The following HEPHL1 variants were observed in gnomAD, a reference collection of about 807,000 sequenced individuals.
HEPHL1 encodes hephaestin like 1, also known as ferroxidase HEPHL1.
HEPHL1 carries 123 observed loss-of-function variants against 122.0 expected under a neutral mutation model. That is an observed-to-expected ratio of 1.01 (90% CI 0.87 to 1.17). The LOEUF (loss-of-function observed/expected upper bound fraction) is 1.17, where lower values mean the gene tolerates loss of function less well. Among genes scored for constraint, HEPHL1 ranks in the 50% most tolerant of loss-of-function variants. The pLI is 0.00. For synonymous variants in HEPHL1, 527 were observed against 508.9 expected, an observed-to-expected ratio of 1.04 and a Z score of -0.48; for missense variants, 1,452 against 1,430.5, an observed-to-expected ratio of 1.01 and a Z score of -0.24.
intron 9 of HEPHL1, among the ~76,000 whole-genome samples, chr11:94,080,338 A>G (rs1285844969): frequency 6.6e-6 from 1 of 152,250 alleles, no homozygotes; most frequent in Non-Finnish European, 1.5e-5. Flanking sequence ...CAAAACTATA[A>G]AAACCCTAGA....
intron 1 of HEPHL1, among the ~76,000 whole-genome samples, chr11:94,027,339 A>G (rs770701566): frequency 1.3e-5 from 2 of 152,098 alleles, no homozygotes; most frequent in Non-Finnish European, 2.9e-5. Flanking sequence ...CTGCGGAGTT[A>G]TCTTTGGGAC....
At chr11:94,096,275 A>G (rs1028297671) in intron 13 of HEPHL1, among the ~76,000 whole-genome samples, 1 of 152,190 alleles carries the variant, frequency 6.6e-6, no homozygotes, top group African/African-American at 2.4e-5. Flanking sequence ...CTATTGAGAT[A>G]ATCACGTGGT....
In HEPHL1 at chr11:94,045,694, A is replaced by G; in HGVS notation, c.192A>G (p.Glu64=). 1 of 1,608,098 alleles carries G rather than the reference A, an allele frequency of 6.2e-7. No individual in the cohort carries two copies. Among genetic ancestry groups the G allele is most frequent in the Non-Finnish European group, 8.5e-7 (1 of 1,177,608 alleles). Residue 64 remains glutamate (E), a synonymous_variant, in exon 2 of 20, where the codon GAA becomes GAG. Transcript: ENST00000315765. ...TTAGACTTGCAACCTTATTTCTCGA[A>G]AGAGGGCCCAACAGGATAGGCAGTA... ...TEDKLATLFL[E]RGPNRIGSIY...
intron 5 of HEPHL1, 114 bp downstream of exon 5, chr11:94,067,864 TA>T: frequency 1.2e-6 from 1 of 808,118 alleles, no homozygotes; most frequent in Non-Finnish European, 1.9e-6. Flanking sequence ...GTACTATATT[TA>T]ATTAGGTAAT....
chr11:94,111,174 C>A, intron 18 of HEPHL1, 109 bp downstream of exon 18: 1 of 823,504 alleles, frequency 1.2e-6, no homozygotes, highest in South Asian at 1.8e-5. Flanking sequence ...AGCTCAGAGT[C>A]AAGTAAGAGA....
At chr11:94,060,057 G>A (rs759984194) in intron 2 of HEPHL1, among the ~76,000 whole-genome samples, 1 of 134,146 alleles carries the variant, frequency 7.5e-6, no homozygotes, top group Non-Finnish European at 1.6e-5. Context: ...TTTGGACAAA[G>A]GCAGTGTAAG....
intron 1 of HEPHL1, among the ~76,000 whole-genome samples, chr11:94,031,667 T>A (rs1021683585): frequency 9.2e-5 from 14 of 152,154 alleles, no homozygotes; most frequent in Admixed American, 9.2e-4. Context: ...CTCTGGGAGG[T>A]CTTGTCCTGT....
At chr11:94,026,543 G>C (rs1945626986) in intron 1 of HEPHL1, among the ~76,000 whole-genome samples, 1 of 152,102 alleles carries the variant, frequency 6.6e-6, no homozygotes, top group African/African-American at 2.4e-5. Flanking sequence ...CCATATGATG[G>C]ACCCCCAAGG....
chr11:94,022,915 T>A (rs1410306644), intron 1 of HEPHL1, among the ~76,000 whole-genome samples: 1 of 152,222 alleles, frequency 6.6e-6, no homozygotes, highest in African/African-American at 2.4e-5. Flanking sequence ...CTGAGTGTAA[T>A]GAATATAGCG....
At chr11:94,073,471 A>G in intron 8 of HEPHL1, 32 bp downstream of exon 8, 1 of 1,548,592 alleles carries the variant, frequency 6.5e-7, no homozygotes, top group Non-Finnish European at 8.7e-7. Flanking sequence ...GGGAGGAAAC[A>G]GGACGGGTGA....
At chr11:94,045,190 A>ACCACTATG (rs1945823129) in intron 1 of HEPHL1, among the ~76,000 whole-genome samples, 1 of 152,096 alleles carries the variant, frequency 6.6e-6, no homozygotes, top group African/African-American at 2.4e-5. Flanking sequence ...ACAGGTGTGG[A>ACCACTATG]CCACTATGCC....
At chr11:94,036,838 CAAAA>C (rs71305380) in intron 1 of HEPHL1, among the ~76,000 whole-genome samples, 1 of 103,878 alleles carries the variant, frequency 9.6e-6, no homozygotes, top group African/African-American at 3.6e-5. Flanking sequence ...GACTCCGTCT[CAAAA>C]AAAAAAAAAA....
At chr11:94,055,670 G>T in intron 2 of HEPHL1, 2 of 390,276 alleles carry the variant, frequency 5.1e-6, no homozygotes, top group South Asian at 4.1e-5. Context: ...TGAGGAAGCT[G>T]GCTAGTGACA....
intron 11 of HEPHL1, 111 bp downstream of exon 11, chr11:94,086,300 GA>G: frequency 2.7e-6 from 2 of 753,322 alleles, no homozygotes; most frequent in South Asian, 3.3e-5. Context: ...AAGTGGTGTA[GA>G]AATAGATATA....
chr11:94,039,988 GAAAAA>G (rs1565346314), intron 1 of HEPHL1, among the ~76,000 whole-genome samples: 1 of 83,010 alleles, frequency 1.2e-5, no homozygotes, highest in Non-Finnish European at 2.4e-5. Flanking sequence ...GACTAATAAA[GAAAAA>G]AAGAGAGAAG....
intron 1 of HEPHL1, among the ~76,000 whole-genome samples, chr11:94,025,540 A>G (rs1945616948): frequency 6.6e-6 from 1 of 152,136 alleles, no homozygotes; most frequent in African/African-American, 2.4e-5. Context: ...GTTTTCATGG[A>G]CGCTAACTCA....
chr11:94,082,419 A>G lies in HEPHL1; in HGVS notation c.1718A>G (p.Lys573Arg). ...KGVLNADGTQ[K>R]GIDKEFYLLF... is the part of the protein sequence containing the mutation. Reference sequence around the variant, plus strand: ...TATTCATTTCTTTCTTCTCTGTAGAAAGGAATAGACAAGGAGTTTTACCTA... The same window carrying G: ...TATTCATTTCTTTCTTCTCTGTAGAGAGGAATAGACAAGGAGTTTTACCTA... Residue 573 changes from lysine (K) to arginine (R), a missense_variant and splice_region_variant, in exon 10 of 20, where the codon AAA (lysine) becomes AGA (arginine). Coordinates refer to ENST00000315765, the MANE Select transcript of HEPHL1 (RefSeq NM_001098672.2). The G allele has an allele frequency of 6.2e-7, 1 of 1,602,570 alleles. No homozygotes were observed. The highest frequency in any genetic ancestry group is 1.1e-5 in the South Asian group (1 of 89,040).
intron 17 of HEPHL1, among the ~76,000 whole-genome samples, chr11:94,106,348 A>G (rs1015209377): frequency 6.9e-6 from 1 of 145,354 alleles, no homozygotes; most frequent in Non-Finnish European, 1.5e-5. Flanking sequence ...GGCGGAGTGC[A>G]GTGGCACAAT....
In HEPHL1 at chr11:94,075,245, G is replaced by A. The variant is rs748694729; in HGVS notation, c.1576G>A (p.Val526Ile). Reference protein sequence around the residue: ...FTYKWTVPESVSPTAGDPPCL... With the variant: ...FTYKWTVPESISPTAGDPPCL... ...ATACAAGTGGACAGTGCCTGAGAGC[G>A]TAAGCCCAACTGCTGGTGATCCTCC... Residue 526 changes from valine (V) to isoleucine (I), a missense_variant, in exon 9 of 20, where the codon GTA becomes ATA. Physicochemically the swap from Val to Ile is conservative, Grantham distance 29. Coordinates refer to ENST00000315765, the MANE Select transcript of HEPHL1 (RefSeq NM_001098672.2). 35 of 1,613,304 alleles carry A rather than the reference G, an allele frequency of 2.2e-5. No homozygotes were observed. The highest frequency in any genetic ancestry group is 1.7e-4 in the African/African-American group (13 of 74,900).
Sources: allele counts gnomAD v4.1 joint callset (sites outside exome capture counted in the v4.1 genomes callset), GRCh38; gene constraint gnomAD v4.1.1; transcripts MANE v1.5; gene names NCBI Gene and HGNC (gene_info 2026-07-23, HGNC 2026-07-21).